KIF4A: variants seen among roughly 807,000 people sequenced by gnomAD.
KIF4A encodes the protein chromosome-associated kinesin KIF4A.
Under a neutral mutation model 105.9 loss-of-function variants are expected in KIF4A, and 7 were observed. The observed-to-expected ratio is 0.07, with a 90% CI of 0.04 to 0.12. The LOEUF is 0.12. Among genes scored for constraint, KIF4A ranks in the 10% least tolerant of loss-of-function variants. The pLI is 1.00. For synonymous variants in KIF4A, 281 were observed against 331.3 expected, an observed-to-expected ratio of 0.85 and a Z score of 1.65; for missense variants, 558 against 929.2, an observed-to-expected ratio of 0.60 and a Z score of 5.19.
intron 7 of KIF4A, among the ~76,000 whole-genome samples, chrX:70,319,903 C>T (rs918730242): frequency 7.2e-5 from 8 of 111,601 alleles, no homozygotes; most frequent in African/African-American, 2.6e-4. Flanking sequence ...ACCCACCTTG[C>T]CAAAACCACT....
At chrX:70,370,037 G>C (rs1457891052) in intron 15 of KIF4A, among the ~76,000 whole-genome samples, 1 of 111,178 alleles carries the variant, frequency 9.0e-6, no homozygotes, top group African/African-American at 3.3e-5. Context: ...ATTCAGTACA[G>C]TCATATGATG....
intron 13 of KIF4A, among the ~76,000 whole-genome samples, chrX:70,345,363 C>T (rs1229062369): frequency 9.2e-6 from 1 of 108,882 alleles, no homozygotes; most frequent in East Asian, 2.9e-4. Context: ...ACTTGGGAGG[C>T]TGAGGCAGGA....
intron 19 of KIF4A, 38 bp from the exon 20 acceptor site, chrX:70,387,146 C>T: frequency 1.1e-6 from 1 of 892,351 alleles, no homozygotes; most frequent in South Asian, 2.4e-5. Flanking sequence ...TTTTTTTTTA[C>T]CATTCATTCA....
intron 10 of KIF4A, among the ~76,000 whole-genome samples, 153 bp from the exon 11 acceptor site, chrX:70,341,646 T>A (rs1376193751): frequency 8.9e-6 from 1 of 112,196 alleles, no homozygotes; most frequent in East Asian, 2.8e-4. Flanking sequence ...GAGGATAGAT[T>A]GGGTTGGACA....
At chrX:70,370,698 G>A (rs1386142789) in intron 15 of KIF4A, among the ~76,000 whole-genome samples, 3 of 110,015 alleles carry the variant, frequency 2.7e-5, no homozygotes, top group African/African-American at 9.9e-5. Context: ...TACTTTGGGA[G>A]GCCAAGGGAG....
In KIF4A at chrX:70,290,687, C is replaced by T. The variant is rs2085756084; in HGVS notation, c.121-4C>T. On this transcript the variant is annotated splice_region_variant and splice_polypyrimidine_tract_variant and intron_variant, in intron 2 of 30. Coordinates refer to ENST00000374403, the MANE Select transcript of KIF4A (RefSeq NM_012310.5). Reference sequence around the variant, plus strand: ...CCTTACGCCTTGTCCCGTGCCTTCTCTAGGTGGTGGTTGGTACAGATAAAT... The same window carrying T: ...CCTTACGCCTTGTCCCGTGCCTTCTTTAGGTGGTGGTTGGTACAGATAAAT... The T allele has an allele frequency of 8.3e-7, 1 of 1,206,034 alleles. No individual in the cohort carries two copies. Among genetic ancestry groups the T allele is most frequent in the African/African-American group, 1.7e-5 (1 of 57,663 alleles).
intron 25 of KIF4A, 97 bp downstream of exon 25, chrX:70,404,919 C>G (rs1429407856): frequency 9.2e-6 from 5 of 541,619 alleles, no homozygotes; most frequent in Non-Finnish European, 1.5e-5. Context: ...GAGTAATTAA[C>G]TACTGGAAAA....
chrX:70,371,555 G>A (rs2086133128), intron 15 of KIF4A, among the ~76,000 whole-genome samples: 3 of 108,024 alleles, frequency 2.8e-5, no homozygotes, highest in African/African-American at 1.0e-4. Context: ...GGGGCGGCCG[G>A]GCAGAGGCGC....
chrX:70,321,557 G>A (rs1435837202), intron 7 of KIF4A, among the ~76,000 whole-genome samples: 1 of 111,073 alleles, frequency 9.0e-6, no homozygotes, highest in African/African-American at 3.3e-5. Context: ...CATTACTCCT[G>A]TGTGTTTTCT....
intron 7 of KIF4A, among the ~76,000 whole-genome samples, chrX:70,315,560 G>A (rs1300906577): frequency 9.0e-6 from 1 of 111,624 alleles, no homozygotes; most frequent in East Asian, 2.8e-4. Flanking sequence ...GGTCCCTTTA[G>A]GTGTATTGTT....
chrX:70,365,638 G>C (rs1200064530), intron 15 of KIF4A, among the ~76,000 whole-genome samples: 3 of 111,191 alleles, frequency 2.7e-5, no homozygotes, highest in Non-Finnish European at 5.7e-5. Flanking sequence ...TGCTGGATTC[G>C]GTTTGCCAGT....
intron 9 of KIF4A, among the ~76,000 whole-genome samples, chrX:70,332,932 T>TA (rs1247038800): frequency 8.9e-6 from 1 of 111,808 alleles, no homozygotes; most frequent in African/African-American, 3.3e-5. Context: ...CCTACTATTT[T>TA]AGACTTCAGG....
chrX:70,311,670 A>C (rs1013626061), intron 7 of KIF4A, among the ~76,000 whole-genome samples: 1 of 111,686 alleles, frequency 9.0e-6, no homozygotes, highest in Non-Finnish European at 1.9e-5. Flanking sequence ...CTTAAAATAT[A>C]ATCACCTAGG....
At chrX:70,358,246 G>GTCCTTTCAATCTAGAAATTTGTAC (rs1195642190) in intron 15 of KIF4A, among the ~76,000 whole-genome samples, 3 of 105,567 alleles carry the variant, frequency 2.8e-5, no homozygotes, top group Non-Finnish European at 5.9e-5. Context: ...TGCTCGACTG[G>GTCCTTTCAATCTAGAAATTTGTAC]TCCTTTCAAT....
At chrX:70,325,047 G>A (rs183700002) in intron 7 of KIF4A, among the ~76,000 whole-genome samples, 139 of 112,032 alleles carry the variant, frequency 1.2e-3, no homozygotes, top group African/African-American at 4.5e-3. Context: ...AGTTGGTCAT[G>A]TTTCCATCCT....
chrX:70,371,679 C>G (rs746023136), intron 15 of KIF4A, among the ~76,000 whole-genome samples: 26 of 106,312 alleles, frequency 2.4e-4, no homozygotes, highest in African/African-American at 7.6e-4. Flanking sequence ...CCCTCCCGGA[C>G]GGGACGGCTG....
chrX:70,304,255 C>T (rs2085816661), intron 7 of KIF4A, among the ~76,000 whole-genome samples: 1 of 104,287 alleles, frequency 9.6e-6, no homozygotes. Context: ...CATGTCCCTA[C>T]AAAGGACATG....
intron 20 of KIF4A, among the ~76,000 whole-genome samples, chrX:70,390,067 G>A (rs1035597239): frequency 6.3e-5 from 7 of 111,661 alleles, no homozygotes; most frequent in East Asian, 2.8e-4. Flanking sequence ...GTGTACAAGC[G>A]TTGTACATCT....
chrX:70,322,098 A>G (rs973334712), intron 7 of KIF4A, among the ~76,000 whole-genome samples: 2 of 109,172 alleles, frequency 1.8e-5, no homozygotes, highest in Non-Finnish European at 3.8e-5. Context: ...CCCCCCCCAA[A>G]GTGGTTTCAC....
Sources: gnomAD v4.1 joint callset for allele counts (sites outside exome capture counted in the v4.1 genomes callset) on GRCh38, gnomAD v4.1.1 for gene constraint, MANE v1.5 for transcripts, NCBI Gene and HGNC (gene_info 2026-07-23, HGNC 2026-07-21) for gene names.